The following DPP6 variants were observed in gnomAD, a reference collection of about 807,000 sequenced individuals.
The protein encoded by DPP6 is dipeptidyl peptidase like 6, also known as A-type potassium channel modulatory protein DPP6.
A neutral mutation model predicts 122.6 loss-of-function variants in DPP6; 69 were observed. That is an observed-to-expected ratio of 0.56 (90% CI 0.46 to 0.69). The LOEUF is 0.69. DPP6 is among the 30% of genes least tolerant of loss of function. The pLI is 0.00. For synonymous variants in DPP6, 418 were observed against 433.1 expected, an observed-to-expected ratio of 0.97 and a Z score of 0.43; for missense variants, 928 against 1,116.9, an observed-to-expected ratio of 0.83 and a Z score of 2.41.
chr7:153,969,418 A>G (rs1448658400), intron 1 of DPP6, among the ~76,000 whole-genome samples: 3 of 146,720 alleles, frequency 2.0e-5, no homozygotes, highest in South Asian at 4.2e-4. Flanking sequence ...TTCTCATCCT[A>G]TTGCTTATTT....
At chr7:154,027,067 A>C (rs1181550610) in intron 1 of DPP6, 1 of 147,796 alleles carries the variant, frequency 6.8e-6, no homozygotes, top group Admixed American at 6.8e-5. Context: ...TTGGGAAAAT[A>C]ATGCAAAAGA....
intron 4 of DPP6, 23 bp downstream of exon 4, chr7:154,540,649 G>A (rs375183933): frequency 8.8e-5 from 123 of 1,397,454 alleles, no homozygotes; most frequent in Middle Eastern, 3.6e-4. Context: ...TTTAATGACC[G>A]GGATAATTTC....
chr7:154,167,614 A>G (rs1797319487), intron 1 of DPP6, among the ~76,000 whole-genome samples: 1 of 152,194 alleles, frequency 6.6e-6, no homozygotes, highest in Non-Finnish European at 1.5e-5. Flanking sequence ...CAGTATCTGC[A>G]GACCCTTCTG....
In DPP6 at chr7:153,920,561, C is replaced by CTTTT. The variant is rs1489811189; in HGVS notation, c.51+32828_51+32829insTTTT. ...TAGTCAACCTTTTTCTTTTATCTCTCTCTTTTTTTTTTTTTTTTTGAGATG... is the reference window on the plus strand; with the variant it reads ...TAGTCAACCTTTTTCTTTTATCTCTCTTTTTCTTTTTTTTTTTTTTTTTGAGATG... On this transcript the variant is annotated intron_variant, in intron 1 of 25. Coordinates refer to the DPP6 transcript ENST00000404039. Among the ~76,000 whole-genome samples, 15 of 62,478 alleles carry CTTTT rather than the reference C, an allele frequency of 2.4e-4. 1 individual carries two copies. Among genetic ancestry groups the CTTTT allele is most frequent in the East Asian group, 3.9e-4 (1 of 2,548 alleles). The allele number at this position is 62,478 out of a possible 152,430, so 41.0% of individuals were successfully genotyped here. A position where few individuals can be genotyped will look rare whatever the true frequency, so the allele number is the denominator to read the frequency against.
chr7:153,756,556 T>C, the DPP6 span, among the ~76,000 whole-genome samples: 1 of 152,266 alleles, frequency 6.6e-6, no homozygotes, highest in African/African-American at 2.4e-5. Context: ...CACTAACACT[T>C]GCTGTTAGCA....
At chr7:153,878,767 G>A in the DPP6 span, among the ~76,000 whole-genome samples, 6 of 152,154 alleles carry the variant, frequency 3.9e-5, no homozygotes, top group South Asian at 6.2e-4. Flanking sequence ...TCTAAATGTC[G>A]TACTTCAACA....
In DPP6 at chr7:153,936,623, G is replaced by A. The variant is rs566596386; in HGVS notation, c.51+48889G>A. 1.5e-4 allele frequency among the ~76,000 whole-genome samples: 23 copies of A among 151,758 alleles called. No homozygotes were observed. The East Asian group carries it at 4.3e-3, about 28-fold the overall frequency. ...AGATCGAGACCATCCTGGCTAACACGGTGAAACCCCGTCTCTACTAAAAAT... is the reference window on the plus strand; with the variant it reads ...AGATCGAGACCATCCTGGCTAACACAGTGAAACCCCGTCTCTACTAAAAAT... On this transcript the variant is annotated intron_variant, in intron 1 of 25. Transcript: ENST00000404039.
chr7:154,160,641 G>T (rs1444583341), intron 1 of DPP6, among the ~76,000 whole-genome samples: 1 of 152,146 alleles, frequency 6.6e-6, no homozygotes, highest in Non-Finnish European at 1.5e-5. Context: ...GGTGGGAAAA[G>T]TTATAGAAGC....
chr7:154,251,160 T>A (rs1427402421), intron 1 of DPP6, among the ~76,000 whole-genome samples: 4 of 152,236 alleles, frequency 2.6e-5, no homozygotes, highest in Admixed American at 2.0e-4. Context: ...CAAGAATAAT[T>A]AGAGACTTAT....
chr7:154,233,501 G>T (rs1267153099), intron 1 of DPP6, among the ~76,000 whole-genome samples: 3 of 152,152 alleles, frequency 2.0e-5, no homozygotes, highest in African/African-American at 4.8e-5. Flanking sequence ...TTAAAATGAG[G>T]TCATTAGGGT....
chr7:154,013,486 G>T (rs1407093931), intron 1 of DPP6, among the ~76,000 whole-genome samples: 5 of 141,510 alleles, frequency 3.5e-5, no homozygotes, highest in Non-Finnish European at 3.0e-5. Context: ...ACAAATTCAG[G>T]TCTTTGTTCT....
chr7:153,956,725 GTCCTGGCAGC>G (rs1430739223), intron 1 of DPP6, among the ~76,000 whole-genome samples: 3 of 152,180 alleles, frequency 2.0e-5, no homozygotes, highest in African/African-American at 7.2e-5. Flanking sequence ...GCGGAACCCA[GTCCTGGCAGC>G]AATCTTTCTT....
chr7:154,176,593 G>A (rs1447789773), intron 1 of DPP6, among the ~76,000 whole-genome samples: 1 of 152,228 alleles, frequency 6.6e-6, no homozygotes, highest in Non-Finnish European at 1.5e-5. Flanking sequence ...GAGTCACCAT[G>A]TAAAATGAGC....
chr7:154,584,958 T>G (rs1182760636), intron 5 of DPP6, among the ~76,000 whole-genome samples: 1 of 152,222 alleles, frequency 6.6e-6, no homozygotes, highest in African/African-American at 2.4e-5. Context: ...GTTTTTGTTG[T>G]GCAATTCTAT....
At chr7:154,558,075 C>T (rs1830168104) in intron 4 of DPP6, among the ~76,000 whole-genome samples, 1 of 151,998 alleles carries the variant, frequency 6.6e-6, no homozygotes, top group African/African-American at 2.4e-5. Flanking sequence ...TTAGGGATTT[C>T]TCCTAATGCT....
chr7:154,424,545 C>G (rs905625696), intron 1 of DPP6, among the ~76,000 whole-genome samples: 1 of 152,184 alleles, frequency 6.6e-6, no homozygotes, highest in African/African-American at 2.4e-5. Context: ...CTCCCTCCCT[C>G]TTCCACATTT....
intron 3 of DPP6, among the ~76,000 whole-genome samples, chr7:154,492,530 C>T (rs941310766): frequency 1.2e-4 from 18 of 152,206 alleles, no homozygotes; most frequent in Non-Finnish European, 2.2e-4. Context: ...TCGTTCACCT[C>T]GTCCTTCCCT....
intron 3 of DPP6, among the ~76,000 whole-genome samples, chr7:154,489,230 A>G (rs1229307116): frequency 6.6e-6 from 1 of 152,216 alleles, no homozygotes; most frequent in Non-Finnish European, 1.5e-5. Context: ...TTGCCAATAA[A>G]GACCAAGTTG....
intron 1 of DPP6, among the ~76,000 whole-genome samples, chr7:154,368,656 C>A (rs1017888286): frequency 6.6e-6 from 1 of 152,196 alleles, no homozygotes; most frequent in East Asian, 1.9e-4. Flanking sequence ...TTCTCGATCG[C>A]TGAAAATGTC....
Sources: allele counts gnomAD v4.1 joint callset (sites outside exome capture counted in the v4.1 genomes callset), GRCh38; gene constraint gnomAD v4.1.1; transcripts MANE v1.5; gene names NCBI Gene and HGNC (gene_info 2026-07-23, HGNC 2026-07-21).